The following C1orf159 variants were observed in gnomAD, a reference collection of about 807,000 sequenced individuals.
The protein encoded by C1orf159 is chromosome 1 open reading frame 159, also known as uncharacterized protein C1orf159.
A neutral mutation model predicts 25.6 loss-of-function variants in C1orf159; 19 were observed. That is an observed-to-expected ratio of 0.74 (90% CI 0.52 to 1.09). The LOEUF (loss-of-function observed/expected upper bound fraction) is 1.09. Among genes scored for constraint, C1orf159 ranks in the 50% least tolerant of loss-of-function variants. C1orf159 has a pLI of 0.00. For missense variants in C1orf159, 274 were observed against 290.6 expected (o/e 0.94, Z 0.42); for synonymous variants, 139 against 124.7 (o/e 1.12, Z -0.77).
chr1:1,091,188 TCACCGCTGGCAGAGGTGCTCC>T (rs1429114692), intron 3 of C1orf159: 2 of 615,932 alleles, frequency 3.2e-6, no homozygotes, highest in African/African-American at 3.7e-5. Context: ...CGCTGTGCTG[TCACCGCTGGCAGAGGTGCTCC>T]CATTGCGGGC....
chr1:1,105,093 G>C (rs1042712897), intron 1 of C1orf159, among the ~76,000 whole-genome samples: 1 of 152,248 alleles, frequency 6.6e-6, no homozygotes, highest in African/African-American at 2.4e-5. Flanking sequence ...GTGAGTAGGC[G>C]GCAGGGTTAG....
intron 1 of C1orf159, among the ~76,000 whole-genome samples, chr1:1,098,598 C>T (rs770749429): frequency 2.0e-5 from 3 of 152,110 alleles, no homozygotes; most frequent in African/African-American, 7.2e-5. Flanking sequence ...GTATCATGTG[C>T]ACTTAGGAGT....
Position 1,087,490 on chromosome 1 carries a change from G to A in C1orf159, c.244+12C>T, listed in dbSNP as rs767131030. 16 of 1,543,500 alleles carry A rather than the reference G, an allele frequency of 1.0e-5. No individual in the cohort carries two copies. The highest frequency in any genetic ancestry group is 6.9e-5 in the African/African-American group (5 of 72,842). On this transcript the variant is annotated intron_variant, in intron 5 of 9. Coordinates refer to ENST00000421241, the MANE Select transcript of C1orf159 (RefSeq NM_017891.5). The surrounding 1 kb of genome is among the most constrained non-coding windows in gnomAD (Gnocchi z 8.3). ...TGTGAGAAGGGAGCCGGGGGGAGCC[G>A]GGCAGACCTACAGCTTCTACACTCG...
chr1:1,105,342 GA>G (rs1646155755), intron 1 of C1orf159, among the ~76,000 whole-genome samples: 1 of 151,822 alleles, frequency 6.6e-6, no homozygotes, highest in Admixed American at 6.6e-5. Context: ...GCAATACACC[GA>G]AACCCCTTAC....
At chr1:1,102,084 AAAAAAAAAAAAAC>A (rs1646109076) in intron 1 of C1orf159, among the ~76,000 whole-genome samples, 1 of 150,694 alleles carries the variant, frequency 6.6e-6, no homozygotes, top group South Asian at 2.1e-4. Flanking sequence ...AAAAAAAAAA[AAAAAAAAAAAAAC>A]AAACTTTTGA....
At chr1:1,115,219 AACACCTG>A (rs1389090208) in intron 1 of C1orf159, 2 of 152,128 alleles carry the variant, frequency 1.3e-5, no homozygotes, top group Admixed American at 1.3e-4. Flanking sequence ...AATGCCCCCG[AACACCTG>A]GGCTTAAATT....
At chr1:1,090,639 T>C (rs1004724350) in intron 3 of C1orf159, 3 of 689,048 alleles carry the variant, frequency 4.4e-6, no homozygotes, top group East Asian at 5.4e-5. Context: ...TGTGGGACCC[T>C]GGGTGGGCGG....
rs1645981366 is a variant in C1orf159 at position 1,094,315 on chromosome 1, G to GGT, written c.-135-2214_-135-2213dup. Among the ~76,000 whole-genome samples the GGT allele has an allele frequency of 2.0e-5, 3 of 152,206 alleles. No homozygotes were observed. The South Asian group carries it at 6.2e-4, about 32-fold the overall frequency. ...AGCCTCTCGAGTAGCTGAGACTAGA[G>GGT]GTGTGCGTCACCACCACGCTCAGCT... On this transcript the variant is annotated intron_variant, in intron 1 of 9. Coordinates refer to ENST00000421241, the MANE Select transcript of C1orf159 (RefSeq NM_017891.5).
At chr1:1,084,141 G>A in intron 9 of C1orf159, 9 of 1,551,216 alleles carry the variant, frequency 5.8e-6, no homozygotes, top group Non-Finnish European at 7.0e-6. Context: ...GGCGGGCAGG[G>A]GGCGCCGGCC....
At chr1:1,112,089 C>T (rs950560030) in intron 1 of C1orf159, among the ~76,000 whole-genome samples, 3 of 152,184 alleles carry the variant, frequency 2.0e-5, no homozygotes, top group Non-Finnish European at 4.4e-5. Flanking sequence ...GGGCCCATCC[C>T]CCCACCGGGA....
intron 1 of C1orf159, among the ~76,000 whole-genome samples, chr1:1,097,434 A>G (rs990860800): frequency 6.6e-6 from 1 of 151,336 alleles, no homozygotes; most frequent in Non-Finnish European, 1.5e-5. Flanking sequence ...TTGCTTTTCA[A>G]ACAGGTCTCT....
At position 1,084,556 on chromosome 1, in the gene C1orf159, A is replaced by G. The variant is rs764670024; in HGVS notation, c.446-50T>C. ...ACCCTGGAGCCCAGGAGCTGCCTCAACCTCAGCCCAGTGCAGCGTCCGGGA... is the reference window on the plus strand; with the variant it reads ...ACCCTGGAGCCCAGGAGCTGCCTCAGCCTCAGCCCAGTGCAGCGTCCGGGA... On this transcript the variant is annotated intron_variant, in intron 7 of 9. Coordinates refer to ENST00000421241, the MANE Select transcript of C1orf159 (RefSeq NM_017891.5). The G allele has an allele frequency of 1.3e-5, 20 of 1,547,278 alleles. No homozygotes were observed. In the East Asian group the frequency reaches 2.4e-4, roughly 19 times the overall value.
chr1:1,084,480 C>T lies in C1orf159; in HGVS notation c.471+1G>A, dbSNP rs757457022. The T allele has an allele frequency of 7.7e-6, 12 of 1,560,726 alleles. No homozygotes were observed. The highest frequency in any genetic ancestry group is 2.7e-5 in the African/African-American group (2 of 73,452). On this transcript the variant is annotated splice_donor_variant, in intron 8 of 9. Transcript: ENST00000421241. LOFTEE classifies it high-confidence loss of function. ...CAGCCCGGATGATGTGGGTTACTTACGGCTTCGCCAGGCTGCAGGGCCGGA... is the reference window on the plus strand; with the variant it reads ...CAGCCCGGATGATGTGGGTTACTTATGGCTTCGCCAGGCTGCAGGGCCGGA...
chr1:1,087,314 G>T lies in C1orf159; in HGVS notation c.245-110C>A. 1 of 1,249,894 alleles carries T rather than the reference G, an allele frequency of 8.0e-7. No individual in the cohort carries two copies. Among genetic ancestry groups the T allele is most frequent in the Non-Finnish European group, 1.1e-6 (1 of 914,910 alleles). The allele number at this position is 1,249,894 out of a possible 1,614,324, so 77.4% of individuals were successfully genotyped here. A position where few individuals can be genotyped will look rare whatever the true frequency, so the allele number is the denominator to read the frequency against. On this transcript the variant is annotated intron_variant, in intron 5 of 9. Transcript: ENST00000421241. The surrounding 1 kb of genome is among the most constrained non-coding windows in gnomAD (Gnocchi z 8.3). ...GAAATATGAAAGCGAGGGGCTGAGG[G>T]GGCGGAGCAGCCCTCACCACAGAGC...
chr1:1,083,809 G>C (rs1180963084), intron 9 of C1orf159: 1 of 1,063,848 alleles, frequency 9.4e-7, no homozygotes, highest in African/African-American at 1.6e-5. Context: ...CTTCTGCACA[G>C]GGGGACGGAG....
intron 1 of C1orf159, among the ~76,000 whole-genome samples, chr1:1,100,733 C>T (rs1371604899): frequency 1.3e-5 from 2 of 152,122 alleles, no homozygotes; most frequent in Non-Finnish European, 2.9e-5. Flanking sequence ...TATCTTTTGG[C>T]CCTTTAGTTG....
chr1:1,104,836 G>C (rs1403114085), intron 1 of C1orf159, among the ~76,000 whole-genome samples: 1 of 152,094 alleles, frequency 6.6e-6, no homozygotes, highest in Non-Finnish European at 1.5e-5. Flanking sequence ...AAAAGCTTTG[G>C]CAGCAGGGAA....
At chr1:1,113,812 T>A (rs930922666) in intron 1 of C1orf159, among the ~76,000 whole-genome samples, 1 of 152,122 alleles carries the variant, frequency 6.6e-6, no homozygotes, top group Non-Finnish European at 1.5e-5. Flanking sequence ...GTCTCCCGAT[T>A]CTTCCCTCGG....
chr1:1,103,430 A>G (rs1349463762), intron 1 of C1orf159, among the ~76,000 whole-genome samples: 1 of 152,222 alleles, frequency 6.6e-6, no homozygotes, highest in Non-Finnish European at 1.5e-5. Flanking sequence ...CATTGTGAAG[A>G]CACTGGAATT....
Sources: gnomAD v4.1 joint callset for allele counts (sites outside exome capture counted in the v4.1 genomes callset) on GRCh38, gnomAD v4.1.1 for gene constraint, Gnocchi (gnomAD v3.1) non-coding constraint, MANE v1.5 for transcripts, NCBI Gene and HGNC (gene_info 2026-07-23, HGNC 2026-07-21) for gene names.